Variants in ABCC4 observed in about 807,000 individuals in gnomAD.
ABCC4 encodes ATP binding cassette subfamily C member 4 (PEL blood group), also known as ATP-binding cassette sub-family C member 4.
ABCC4 carries 102 observed loss-of-function variants against 168.5 expected under a neutral mutation model. The observed-to-expected ratio is 0.61, with a 90% CI of 0.52 to 0.71. ABCC4 has a LOEUF of 0.71. Among genes scored for constraint, ABCC4 ranks in the 30% least tolerant of loss-of-function variants. The pLI is 0.00. For missense variants in ABCC4, 1,402 were observed against 1,605.8 expected (o/e 0.87, Z 2.17); for synonymous variants, 617 against 590.7 (o/e 1.04, Z -0.65).
chr13:95,044,437 A>G lies in ABCC4; in HGVS notation c.3458T>C (p.Val1153Ala), dbSNP rs764968059. ...DEELWNALQE[V>A]QLKETIEDLP... ...ATCTTCAATGGTTTCTTTAAGTTGT[A>G]CCTGTAGATGTACAAAGAAGAATGA... Residue 1153 changes from valine (V) to alanine (A), a missense_variant and splice_region_variant, in exon 28 of 31, where the codon GTA becomes GCA. Around this residue, in one of 3 missense-constraint regions of ABCC4, gnomAD observed 1,007 missense variants for 1,127.3 expected, o/e 0.89. Coordinates refer to ENST00000645237, the MANE Select transcript of ABCC4 (RefSeq NM_005845.5). 2 of 1,607,820 alleles carry G rather than the reference A, an allele frequency of 1.2e-6. No homozygotes were observed. The highest frequency in any genetic ancestry group is 2.2e-5 in the South Asian group (2 of 89,730).
intron 4 of ABCC4, 52 bp downstream of exon 4, chr13:95,234,558 A>G (rs2039709323): frequency 1.2e-5 from 18 of 1,479,508 alleles, no homozygotes; most frequent in Admixed American, 1.7e-5. Context: ...CTTCCTCAGA[A>G]TGCTTCTGAT....
At chr13:95,121,609 T>C (rs1441401709) in intron 19 of ABCC4, among the ~76,000 whole-genome samples, 1 of 151,982 alleles carries the variant, frequency 6.6e-6, no homozygotes, top group East Asian at 1.9e-4. Context: ...GGTTTTGCCA[T>C]GTTGCCCAGG....
chr13:95,096,890 T>A (rs1431569778), intron 20 of ABCC4, among the ~76,000 whole-genome samples: 1 of 152,164 alleles, frequency 6.6e-6, no homozygotes, highest in Non-Finnish European at 1.5e-5. Context: ...AATATGTGAA[T>A]AAATATAAAA....
chr13:95,230,774 CA>C (rs1470578308), intron 4 of ABCC4, among the ~76,000 whole-genome samples: 3 of 151,940 alleles, frequency 2.0e-5, no homozygotes, highest in African/African-American at 7.3e-5. Context: ...GACTCCATCT[CA>C]AAAATAAAAA....
At chr13:95,274,634 G>C (rs1054062317) in intron 1 of ABCC4, among the ~76,000 whole-genome samples, 1 of 152,094 alleles carries the variant, frequency 6.6e-6, no homozygotes, top group South Asian at 2.1e-4. Flanking sequence ...GCTCCTACAG[G>C]GGGGACCAAG....
In ABCC4 at chr13:95,212,808, A is replaced by G. The variant is rs117568198; in HGVS notation, c.532-2027T>C. Among the ~76,000 whole-genome samples, 4 of 152,304 alleles carry G rather than the reference A, an allele frequency of 2.6e-5. No individual in the cohort carries two copies. The East Asian group carries it at 7.7e-4, about 29-fold the overall frequency. On this transcript the variant is annotated intron_variant, in intron 4 of 30. Coordinates refer to ENST00000645237, the MANE Select transcript of ABCC4 (RefSeq NM_005845.5). ...TCATACTCCAGATAGGATAAAAAAA[A>G]TCATGAAGGGCCATGAATATTATTA...
Position 95,034,658 on chromosome 13 carries a change from C to G in ABCC4, c.3817G>C (p.Val1273Leu). ...QNKESLFYKM[V>L]QQLGKAEAAA... ...GCTTCTGCCTTGCCCAGTTGTTGCACCATCTTGTAAAATAGGCTCTCTTTA... is the reference window on the plus strand; with the variant it reads ...GCTTCTGCCTTGCCCAGTTGTTGCAGCATCTTGTAAAATAGGCTCTCTTTA... The change falls in exon 30 of 31, where the codon GTG becomes CTG. Residue 1273 changes from valine (V) to leucine (L), a missense_variant. Transcript: ENST00000645237. 6.2e-7 allele frequency: 1 copy of G among 1,614,218 alleles called. No homozygotes were observed. Among genetic ancestry groups the G allele is most frequent in the Non-Finnish European group, 8.5e-7 (1 of 1,180,046 alleles).
intron 15 of ABCC4, 89 bp from the exon 16 acceptor site, chr13:95,164,607 G>T: frequency 7.1e-7 from 1 of 1,413,444 alleles, no homozygotes; most frequent in Non-Finnish European, 9.7e-7. Flanking sequence ...AAGCTGTGGG[G>T]AAACAGGCAG....
intron 30 of ABCC4, among the ~76,000 whole-genome samples, chr13:95,032,075 C>T (rs2031902395): frequency 6.6e-6 from 1 of 152,130 alleles, no homozygotes; most frequent in African/African-American, 2.4e-5. Flanking sequence ...GGGAGACACG[C>T]TAGAAGATAA....
At chr13:95,148,383 A>C (rs974102574) in intron 19 of ABCC4, among the ~76,000 whole-genome samples, 4 of 152,190 alleles carry the variant, frequency 2.6e-5, no homozygotes, top group Non-Finnish European at 5.9e-5. Flanking sequence ...CATGGATCCC[A>C]AATCATATAG....
chr13:95,102,186 T>G (rs2034832734), intron 20 of ABCC4, among the ~76,000 whole-genome samples: 1 of 152,176 alleles, frequency 6.6e-6, no homozygotes, highest in African/African-American at 2.4e-5. Context: ...GCTCTGTTGC[T>G]CAGGCTGGAG....
At chr13:95,123,505 A>C (rs984436305) in intron 19 of ABCC4, among the ~76,000 whole-genome samples, 1 of 152,046 alleles carries the variant, frequency 6.6e-6, no homozygotes, top group Non-Finnish European at 1.5e-5. Context: ...GGGAATACAG[A>C]CGTGCACCGC....
At chr13:95,083,768 C>T (rs2034175451) in intron 20 of ABCC4, among the ~76,000 whole-genome samples, 1 of 152,040 alleles carries the variant, frequency 6.6e-6, no homozygotes, top group African/African-American at 2.4e-5. Context: ...AGTGATCTGC[C>T]CACCTCTGCC....
intron 3 of ABCC4, among the ~76,000 whole-genome samples, chr13:95,244,754 GCTA>G (rs2138797607): frequency 2.6e-5 from 4 of 151,528 alleles, no homozygotes; most frequent in Non-Finnish European, 4.4e-5. Flanking sequence ...CACTGCTGCT[GCTA>G]CTACTACTAC....
intron 2 of ABCC4, 54 bp downstream of exon 2, chr13:95,247,589 C>A: frequency 1.4e-6 from 2 of 1,422,628 alleles, no homozygotes; most frequent in Non-Finnish European, 2.0e-6. Flanking sequence ...AACCCACTCC[C>A]CACACACAGA....
intron 21 of ABCC4, among the ~76,000 whole-genome samples, chr13:95,082,265 T>C (rs1017220526): frequency 6.6e-6 from 1 of 152,178 alleles, no homozygotes; most frequent in Non-Finnish European, 1.5e-5. Flanking sequence ...CTACTCTCCT[T>C]ATGAGTTTGT....
chr13:95,290,709 A>C (rs1765017953), intron 1 of ABCC4, among the ~76,000 whole-genome samples: 1 of 22,074 alleles, frequency 4.5e-5, no homozygotes, highest in Admixed American at 5.8e-4. Flanking sequence ...CTGTCTCAAA[A>C]AAAAAAAAAA....
chr13:95,117,732 T>C (rs1020673943), intron 19 of ABCC4, among the ~76,000 whole-genome samples: 5 of 151,394 alleles, frequency 3.3e-5, no homozygotes, highest in Non-Finnish European at 7.4e-5. Flanking sequence ...TTCAGAAACA[T>C]TGCAAGTATG....
At chr13:95,023,735 C>T (rs7330196) in intron 30 of ABCC4, among the ~76,000 whole-genome samples, 67,218 of 151,892 alleles carry the variant, frequency 0.44, 16,016 homozygotes, top group African/African-American at 0.64. Flanking sequence ...TCGCCCAGCT[C>T]GAAGGATGAA....
Sources: allele counts gnomAD v4.1 joint callset (sites outside exome capture counted in the v4.1 genomes callset), GRCh38; gene constraint gnomAD v4.1.1; regional missense constraint gnomAD v4.1.1; transcripts MANE v1.5; gene names NCBI Gene and HGNC (gene_info 2026-07-23, HGNC 2026-07-21).